LARS1: variants seen among roughly 807,000 people sequenced by gnomAD.
LARS1 encodes leucine--tRNA ligase, cytoplasmic.
A neutral mutation model predicts 162.8 loss-of-function variants in LARS1; 100 were observed. The observed-to-expected ratio is 0.61, with a 90% CI of 0.52 to 0.73. LARS1 has a LOEUF of 0.73. LARS1 is among the 30% of genes least tolerant of loss of function. LARS1 has a pLI of 0.00. For missense variants in LARS1, 1,258 were observed against 1,408.9 expected, an observed-to-expected ratio of 0.89 and a Z score of 1.71; for synonymous variants, 457 against 462.8, an observed-to-expected ratio of 0.99 and a Z score of 0.16.
intron 2 of LARS1, among the ~76,000 whole-genome samples, chr5:146,176,201 C>G (rs1166129034): frequency 6.6e-6 from 1 of 151,436 alleles, no homozygotes; most frequent in African/African-American, 2.4e-5. Context: ...TGCCTGTAAT[C>G]CCGGCACTTT....
At chr5:146,175,559 G>T (rs1449480763) in intron 2 of LARS1, among the ~76,000 whole-genome samples, 2 of 140,056 alleles carry the variant, frequency 1.4e-5, no homozygotes, top group Admixed American at 7.6e-5. Flanking sequence ...AAAAAAAAAG[G>T]CCGGGCGCAG....
chr5:146,155,142 G>A (rs1436578234), intron 10 of LARS1, among the ~76,000 whole-genome samples: 2 of 152,134 alleles, frequency 1.3e-5, no homozygotes, highest in South Asian at 2.1e-4. Flanking sequence ...ATGAGCCACC[G>A]TGCCCGTCCC....
At chr5:146,134,072 G>A (rs922641655) in intron 22 of LARS1, among the ~76,000 whole-genome samples, 6 of 152,160 alleles carry the variant, frequency 3.9e-5, no homozygotes, top group African/African-American at 1.4e-4. Context: ...TGAAACTCCC[G>A]ATCTCAGGTA....
Position 146,157,441 on chromosome 5 carries a change from T to G in LARS1, c.1027A>C (p.Asn343His). Reference sequence around the variant, plus strand: ...TCCTTAACAACAGGCACCACGCCATTGTCTTTGGTAAAGCCCTGGTATGAC... The same window carrying G: ...TCCTTAACAACAGGCACCACGCCATGGTCTTTGGTAAAGCCCTGGTATGAC... ...NMSYQGFTKD[N>H]GVVPVVKELM... The change falls in exon 10 of 32, where the codon AAT (asparagine) becomes CAT (histidine). Residue 343 changes from asparagine (N) to histidine (H), a missense_variant. Physicochemically the swap from Asn to His is moderately conservative, Grantham distance 68. Transcript: ENST00000394434. 6.2e-7 allele frequency: 1 copy of G among 1,614,200 alleles called. No individual in the cohort carries two copies. Among genetic ancestry groups the G allele is most frequent in the South Asian group, 1.1e-5 (1 of 91,084 alleles).
At chr5:146,150,185 C>A (rs1010666210) in intron 14 of LARS1, among the ~76,000 whole-genome samples, 19 of 152,048 alleles carry the variant, frequency 1.2e-4, no homozygotes, top group Admixed American at 7.9e-4. Flanking sequence ...TTTCAGTAGG[C>A]CAATAACATT....
At chr5:146,162,837 CAG>C (rs555195187) in intron 6 of LARS1, among the ~76,000 whole-genome samples, 128 of 152,342 alleles carry the variant, frequency 8.4e-4, no homozygotes, top group African/African-American at 2.5e-3. Context: ...CACCTTGCAG[CAG>C]AGTCTCGCTC....
chr5:146,162,727 A>C (rs1753829020), intron 6 of LARS1, among the ~76,000 whole-genome samples: 1 of 152,252 alleles, frequency 6.6e-6, no homozygotes, highest in Non-Finnish European at 1.5e-5. Context: ...TGTTTTGTCT[A>C]CATAGAAAAT....
In LARS1 at chr5:146,153,765, A is replaced by G. The variant is rs1581056101; in HGVS notation, c.1199T>C (p.Ile400Thr). 6.2e-7 allele frequency: 1 copy of G among 1,614,106 alleles called. No homozygotes were observed. Among genetic ancestry groups the G allele is most frequent in the Non-Finnish European group, 8.5e-7 (1 of 1,179,966 alleles). Residue 400 changes from isoleucine to threonine, a missense_variant, in exon 12 of 32, where the codon ATT (isoleucine) becomes ACT (threonine). By Grantham distance (89) the Ile-to-Thr change is moderately conservative (BLOSUM62 -1). Transcript: ENST00000394434. Reference protein sequence around the residue: ...TSVPSDSPDDIAALRDLKKKQ... With the variant: ...TSVPSDSPDDTAALRDLKKKQ... ...TTTCTTCAAGTCTCTGAGGGCAGCA[A>G]TATCATCAGGGGAGTCGGAAGGAAC... is the stretch of plus-strand genomic sequence containing the variant.
In LARS1 at chr5:146,159,423, T is replaced by C; in HGVS notation, c.755A>G (p.Asp252Gly). Reference protein sequence around the residue: ...PKDGQPCMDHDRQTGEGVGPQ... With the variant: ...PKDGQPCMDHGRQTGEGVGPQ... Reference sequence around the variant, plus strand: ...AATAATCACCTCTCCAGTTTGTCTATCATGATCCATGCAAGGCTGTCCATC... The same window carrying C: ...AATAATCACCTCTCCAGTTTGTCTACCATGATCCATGCAAGGCTGTCCATC... Residue 252 changes from aspartate to glycine, a missense_variant, in exon 8 of 32, where the codon GAT becomes GGT. Transcript: ENST00000394434. 6.2e-7 allele frequency: 1 copy of C among 1,611,994 alleles called. No individual in the cohort carries two copies.
At chr5:146,144,860 A>G (rs1429891295) in intron 15 of LARS1, 151 bp from the exon 16 acceptor site, 2 of 638,416 alleles carry the variant, frequency 3.1e-6, no homozygotes, top group South Asian at 4.0e-5. Flanking sequence ...AGGGTCAGTC[A>G]TCTTCTACCT....
intron 15 of LARS1, among the ~76,000 whole-genome samples, chr5:146,146,351 A>G (rs1417772960): frequency 7.0e-6 from 1 of 142,440 alleles, no homozygotes; most frequent in East Asian, 2.0e-4. Flanking sequence ...AAAAAAAAAA[A>G]AAAGAAAGAG....
In LARS1 at chr5:146,159,430, C is replaced by G; in HGVS notation, c.748G>C (p.Asp250His). ...YSPKDGQPCM[D>H]HDRQTGEGVG... ...ACCTCTCCAGTTTGTCTATCATGAT[C>G]CATGCAAGGCTGTCCATCTTTCGGA... Residue 250 changes from aspartate to histidine, a missense_variant, in exon 8 of 32, where the codon GAT (aspartate) becomes CAT (histidine). Physicochemically the swap from Asp to His is moderately conservative, Grantham distance 81. Coordinates refer to ENST00000394434, the MANE Select transcript of LARS1 (RefSeq NM_020117.11). The G allele has an allele frequency of 6.2e-7, 1 of 1,612,194 alleles. No individual in the cohort carries two copies. Among genetic ancestry groups the G allele is most frequent in the South Asian group, 1.1e-5 (1 of 90,980 alleles).
intron 22 of LARS1, among the ~76,000 whole-genome samples, chr5:146,134,670 C>T (rs4345358): frequency 0.02 from 3,059 of 152,288 alleles, 113 homozygotes; most frequent in African/African-American, 0.07. Context: ...AAATACAGGC[C>T]AGGCATGGTG....
chr5:146,179,104 C>A (rs972664133), intron 1 of LARS1, among the ~76,000 whole-genome samples: 16 of 152,060 alleles, frequency 1.1e-4, no homozygotes, highest in Admixed American at 9.8e-4. Context: ...CGTTGGCATG[C>A]GCCTATAATC....
At chr5:146,117,910 C>G (rs773085081) in intron 31 of LARS1, among the ~76,000 whole-genome samples, 1 of 152,018 alleles carries the variant, frequency 6.6e-6, no homozygotes, top group Admixed American at 6.6e-5. Flanking sequence ...CAGTGTGGTG[C>G]GAATGTAAAT....
At chr5:146,168,836 A>G (rs1324491044) in intron 4 of LARS1, among the ~76,000 whole-genome samples, 8 of 152,028 alleles carry the variant, frequency 5.3e-5, no homozygotes, top group African/African-American at 1.9e-4. Flanking sequence ...TACCATATAT[A>G]TTAGATATAT....
At chr5:146,130,271 A>T in intron 24 of LARS1, 113 bp from the exon 25 acceptor site, 1 of 989,844 alleles carries the variant, frequency 1.0e-6, no homozygotes, top group Non-Finnish European at 1.5e-6. Context: ...GTCTTTTAAA[A>T]ATCCATAACA....
In LARS1 at chr5:146,129,928, T is replaced by C. The variant is rs983801903; in HGVS notation, c.2628+90A>G. On this transcript the variant is annotated intron_variant, in intron 25 of 31. Transcript: ENST00000394434. ...ACTCTTGAATTACTCACTTTCAGACTTTCTCTCTTAAGTAACAATATTAGC... is the reference window on the plus strand; with the variant it reads ...ACTCTTGAATTACTCACTTTCAGACCTTCTCTCTTAAGTAACAATATTAGC... 6.7e-6 allele frequency: 9 copies of C among 1,346,938 alleles called. No individual in the cohort carries two copies. The Admixed American group carries it at 1.6e-4, about 24-fold the overall frequency. The allele number at this position is 1,346,938 out of a possible 1,614,324, so 83.4% of individuals were successfully genotyped here. A position where few individuals can be genotyped will look rare whatever the true frequency, so the allele number is the denominator to read the frequency against.
At chr5:146,151,229 A>G (rs1352729908) in intron 14 of LARS1, among the ~76,000 whole-genome samples, 3 of 152,200 alleles carry the variant, frequency 2.0e-5, no homozygotes, top group Non-Finnish European at 4.4e-5. Flanking sequence ...AAAAAAAGAA[A>G]TGTAACCAAT....
Sources: allele counts gnomAD v4.1 joint callset (sites outside exome capture counted in the v4.1 genomes callset), GRCh38; gene constraint gnomAD v4.1.1; transcripts MANE v1.5; gene names NCBI Gene and HGNC (gene_info 2026-07-23, HGNC 2026-07-21).